Variants in BCAR3 observed in about 807,000 individuals in gnomAD.
The protein encoded by BCAR3 is BCAR3 adaptor protein, NSP family member, also known as breast cancer anti-estrogen resistance protein 3.
A neutral mutation model predicts 80.1 loss-of-function variants in BCAR3; 37 were observed. That is an observed-to-expected ratio of 0.46 (90% confidence interval 0.36 to 0.61). BCAR3 has a LOEUF of 0.61. BCAR3 is among the 20% of genes least tolerant of loss of function. The pLI, the probability that BCAR3 is intolerant of heterozygous loss-of-function variation, is 0.00. For synonymous variants in BCAR3, 389 were observed against 418.9 expected, an observed-to-expected ratio of 0.93 and a Z score of 0.87; for missense variants, 978 against 1,068.2, an observed-to-expected ratio of 0.92 and a Z score of 1.18.
intron 7 of BCAR3, among the ~76,000 whole-genome samples, chr1:93,578,012 C>T (rs1673526649): frequency 6.6e-6 from 1 of 152,366 alleles, no homozygotes; most frequent in Non-Finnish European, 1.5e-5. Flanking sequence ...TTATGCAGCT[C>T]ACTGACACAA....
At chr1:93,845,500 A>C (rs867693366) in intron 2 of BCAR3, 1 of 106,868 alleles carries the variant, frequency 9.4e-6, no homozygotes, top group Non-Finnish European at 2.0e-5. Context: ...ATATATATAT[A>C]TAAAACTTTG....
chr1:93,802,192 C>G (rs955972354), intron 2 of BCAR3, among the ~76,000 whole-genome samples: 2 of 151,568 alleles, frequency 1.3e-5, no homozygotes, highest in Non-Finnish European at 2.9e-5. Flanking sequence ...TGCCTGTAGT[C>G]CCAGGTACTC....
At chr1:93,580,889 G>A (rs764802725) in intron 7 of BCAR3, among the ~76,000 whole-genome samples, 11 of 152,256 alleles carry the variant, frequency 7.2e-5, no homozygotes, top group African/African-American at 2.4e-4. Flanking sequence ...GGCCGGGTGC[G>A]GTGACTCACA....
At position 93,589,105 on chromosome 1, in the gene BCAR3, G is replaced by A. The variant is rs770632619; in HGVS notation, c.801C>T (p.Gly267=). ...CCTCCCGGGCCTGGCCTGGGGAGGT[G>A]CCATAATGCTCCTCCAGGCACCGCA... The part of the protein sequence containing the change: ...VPLRCLEEHY[G]TSPGQAREGS... Residue 267 remains glycine (G), a synonymous_variant, in exon 5 of 12, where the codon GGC becomes GGT. Coordinates refer to ENST00000260502, the MANE Select transcript of BCAR3 (RefSeq NM_003567.4). The A allele has an allele frequency of 1.2e-6, 2 of 1,612,804 alleles. No individual in the cohort carries two copies. The highest frequency in any genetic ancestry group is 1.1e-5 in the South Asian group (1 of 90,986).
chr1:93,676,683 T>C (rs1018589541), intron 1 of BCAR3, among the ~76,000 whole-genome samples: 1 of 152,122 alleles, frequency 6.6e-6, no homozygotes, highest in Non-Finnish European at 1.5e-5. Flanking sequence ...TGAACACAAG[T>C]GACGTAAACC....
intron 3 of BCAR3, among the ~76,000 whole-genome samples, chr1:93,606,871 T>G (rs981639165): frequency 6.6e-6 from 1 of 152,182 alleles, no homozygotes; most frequent in African/African-American, 2.4e-5. Flanking sequence ...TTGAGAAAGC[T>G]GATTTCAGGA....
intron 2 of BCAR3, among the ~76,000 whole-genome samples, chr1:93,671,885 T>C (rs1032223572): frequency 3.9e-5 from 6 of 152,248 alleles, no homozygotes; most frequent in African/African-American, 1.4e-4. Context: ...AGGAGATTTT[T>C]TTTTTAATGT....
At chr1:93,827,107 G>A (rs1325031405) in intron 2 of BCAR3, among the ~76,000 whole-genome samples, 1 of 152,162 alleles carries the variant, frequency 6.6e-6, no homozygotes, top group Admixed American at 6.5e-5. Context: ...CTTGAGAGGT[G>A]TTTATTGAAC....
At chr1:93,773,425 G>A (rs1652429826) in intron 2 of BCAR3, among the ~76,000 whole-genome samples, 1 of 152,212 alleles carries the variant, frequency 6.6e-6, no homozygotes, top group African/African-American at 2.4e-5. Context: ...GACAGGAAAT[G>A]GGACACCCCT....
At chr1:93,572,299 G>T (rs1174767227) in intron 8 of BCAR3, among the ~76,000 whole-genome samples, 1 of 152,132 alleles carries the variant, frequency 6.6e-6, no homozygotes, top group Non-Finnish European at 1.5e-5. Context: ...AAAAATGTGA[G>T]GACATGCTTG....
At chr1:93,764,306 T>C (rs1297505026) in intron 2 of BCAR3, among the ~76,000 whole-genome samples, 1 of 152,074 alleles carries the variant, frequency 6.6e-6, no homozygotes, top group East Asian at 1.9e-4. Flanking sequence ...GGATGTCCCA[T>C]AGGCCCCTCC....
At chr1:93,674,485 C>T (rs757140566) in intron 2 of BCAR3, 129 bp downstream of exon 2, 1 of 1,026,484 alleles carries the variant, frequency 9.7e-7, no homozygotes, top group Admixed American at 2.8e-5. Context: ...CTCCTAACCT[C>T]ATGATCCACC....
intron 2 of BCAR3, among the ~76,000 whole-genome samples, chr1:93,760,961 G>C (rs1399367341): frequency 6.6e-6 from 1 of 152,210 alleles, no homozygotes; most frequent in Non-Finnish European, 1.5e-5. Context: ...GACCATGGTA[G>C]ACAGTGGGAA....
chr1:93,732,026 A>T (rs1016365356), intron 2 of BCAR3, among the ~76,000 whole-genome samples: 2 of 152,260 alleles, frequency 1.3e-5, no homozygotes, highest in African/African-American at 4.8e-5. Flanking sequence ...CCGCGTGGAC[A>T]GCTGACTGTC....
At chr1:93,613,219 A>G (rs1277799497) in intron 3 of BCAR3, among the ~76,000 whole-genome samples, 1 of 152,208 alleles carries the variant, frequency 6.6e-6, no homozygotes, top group African/African-American at 2.4e-5. Flanking sequence ...CGTCACAGGC[A>G]GGCAAATAGA....
intron 2 of BCAR3, among the ~76,000 whole-genome samples, chr1:93,845,343 T>C (rs1439735908): frequency 5.3e-5 from 8 of 151,924 alleles, no homozygotes; most frequent in African/African-American, 1.5e-4. Flanking sequence ...CAAAAAAGAT[T>C]TGTTTAAATA....
At chr1:93,753,872 T>C (rs74101696) in intron 2 of BCAR3, 13,621 of 131,090 alleles carry the variant, frequency 0.1, 852 homozygotes, top group East Asian at 0.23. Flanking sequence ...CACGTACACA[T>C]ACACACACAC....
intron 1 of BCAR3, among the ~76,000 whole-genome samples, chr1:93,680,676 A>G (rs1202095087): frequency 6.6e-6 from 1 of 152,222 alleles, no homozygotes; most frequent in Non-Finnish European, 1.5e-5. Context: ...CATCTCAGCT[A>G]ACAGCTTTAA....
intron 3 of BCAR3, among the ~76,000 whole-genome samples, chr1:93,621,309 TGAG>T (rs1245504490): frequency 6.6e-6 from 1 of 152,204 alleles, no homozygotes; most frequent in Non-Finnish European, 1.5e-5. Context: ...TCAGTCCAGA[TGAG>T]GAGTTCTGAA....
Sources: allele counts gnomAD v4.1 joint callset (sites outside exome capture counted in the v4.1 genomes callset), GRCh38; gene constraint gnomAD v4.1.1; transcripts MANE v1.5; gene names NCBI Gene and HGNC (gene_info 2026-07-23, HGNC 2026-07-21).